Variants in UBASH3B observed in about 807,000 individuals in gnomAD.
UBASH3B encodes the protein ubiquitin associated and SH3 domain containing B, also known as ubiquitin-associated and SH3 domain-containing protein B.
Under a neutral mutation model 83.4 loss-of-function variants are expected in UBASH3B, and 37 were observed. That is an observed-to-expected ratio of 0.44 (90% CI 0.34 to 0.58). The LOEUF (loss-of-function observed/expected upper bound fraction) is 0.58. Ranked by LOEUF, UBASH3B falls within the 20% of genes least tolerant of loss-of-function variation. UBASH3B has a pLI of 0.01. For synonymous variants in UBASH3B, 304 were observed against 318.3 expected (o/e 0.96, Z 0.48); for missense variants, 657 against 827.2 (o/e 0.79, Z 2.52).
chr11:122,804,128 G>C (rs1310091153), intron 11 of UBASH3B, among the ~76,000 whole-genome samples: 3 of 152,076 alleles, frequency 2.0e-5, no homozygotes, highest in Non-Finnish European at 4.4e-5. Context: ...TGACTCCCTG[G>C]GCCATACAAA....
intron 1 of UBASH3B, among the ~76,000 whole-genome samples, chr11:122,702,588 G>A (rs899714522): frequency 1.3e-5 from 2 of 151,538 alleles, no homozygotes; most frequent in African/African-American, 2.4e-5. Flanking sequence ...GCAATGGTGC[G>A]ATCTCAGCTT....
In UBASH3B at chr11:122,712,896, G is replaced by GTTTTTTTTTTT. The variant is rs386375116; in HGVS notation, c.161+56706_161+56716dup. Among the ~76,000 whole-genome samples the GTTTTTTTTTTT allele has an allele frequency of 6.2e-5, 4 of 64,522 alleles. No individual in the cohort carries two copies. In the Admixed American group the frequency reaches 7.0e-4, roughly 11 times the overall value. 42.3% of individuals were successfully genotyped at this position (64,522 alleles called of 152,430 possible). Reference sequence around the variant, plus strand: ...GACATTCATCTTTCTTCTCTGGGTGGTTTTTTTTTTTTTTTTTTTTTTTTT... The same window carrying GTTTTTTTTTTT: ...GACATTCATCTTTCTTCTCTGGGTGGTTTTTTTTTTTTTTTTTTTTTTTTTTTTTTTTTTTT... On this transcript the variant is annotated intron_variant, in intron 1 of 13. Transcript: ENST00000284273.
At chr11:122,776,978 C>A (rs1860746587) in intron 2 of UBASH3B, 46 bp from the exon 3 acceptor site, 1 of 1,512,140 alleles carries the variant, frequency 6.6e-7, no homozygotes, top group African/African-American at 1.4e-5. Context: ...TTTTCCCCTC[C>A]CATTATTCTC....
In UBASH3B at chr11:122,796,388, A is replaced by T. The variant is rs373621155; in HGVS notation, c.1234+112A>T. The T allele has an allele frequency of 2.0e-6, 3 of 1,487,898 alleles. No individual in the cohort carries two copies. In the African/African-American group the frequency reaches 4.2e-5, roughly 21 times the overall value. The allele number at this position is 1,487,898 out of a possible 1,614,324, so 92.2% of individuals were successfully genotyped here. Reference sequence around the variant, plus strand: ...TCATTCATAGTTTTGCGTACTATAGAAGATGTCTGTCATGTGTAAGCCCCT... The same window carrying T: ...TCATTCATAGTTTTGCGTACTATAGTAGATGTCTGTCATGTGTAAGCCCCT... On this transcript the variant is annotated intron_variant, in intron 8 of 13. Transcript: ENST00000284273.
In UBASH3B at chr11:122,806,215, T is replaced by C. The variant is rs1861337933; in HGVS notation, c.1596-195T>C. Among the ~76,000 whole-genome samples, 1 of 152,238 alleles carries C rather than the reference T, an allele frequency of 6.6e-6. No homozygotes were observed. The highest frequency in any genetic ancestry group is 6.5e-5 in the Admixed American group (1 of 15,286). ...TGTAACGCCATACACATAGCTGTTA[T>C]TTCTGTACATTTCCACTCCATGTTC... On this transcript the variant is annotated intron_variant, in intron 11 of 13. Coordinates refer to ENST00000284273, the MANE Select transcript of UBASH3B (RefSeq NM_032873.5). This position sits in a 1 kb window ranked among gnomAD's most constrained non-coding sequence, Gnocchi z 4.0.
intron 1 of UBASH3B, among the ~76,000 whole-genome samples, chr11:122,689,263 A>G (rs1189189062): frequency 6.6e-6 from 1 of 152,160 alleles, no homozygotes; most frequent in Admixed American, 6.5e-5. Flanking sequence ...TTACTTCGCA[A>G]TTTGCTGTCA....
chr11:122,747,749 A>G (rs1401011617), intron 1 of UBASH3B, among the ~76,000 whole-genome samples: 2 of 152,238 alleles, frequency 1.3e-5, no homozygotes, highest in Admixed American at 6.5e-5. Flanking sequence ...TCTGGAAAGT[A>G]CAAAGGGAGG....
At chr11:122,681,111 C>T (rs77434132) in intron 1 of UBASH3B, among the ~76,000 whole-genome samples, 1,625 of 152,172 alleles carry the variant, frequency 0.011, 28 homozygotes, top group African/African-American at 0.035. Flanking sequence ...TTAATTTATT[C>T]GTATTTGTTT....
Position 122,809,928 on chromosome 11 carries a change from T to C in UBASH3B, c.*42T>C, listed in dbSNP as rs1412374843. ...AGAAGGAAAGGCCTTTTGGAGTGTG[T>C]CTTTCTGTGTGTTTAAAAACAGTGG... is the stretch of plus-strand genomic sequence containing the variant. On this transcript the variant is annotated 3_prime_UTR_variant, in exon 14 of 14. Transcript: ENST00000284273. 3 of 1,600,500 alleles carry C rather than the reference T, an allele frequency of 1.9e-6. No homozygotes were observed. The Admixed American group carries it at 5.3e-5, about 28-fold the overall frequency.
At chr11:122,752,492 G>A (rs984737904) in intron 1 of UBASH3B, among the ~76,000 whole-genome samples, 5 of 152,194 alleles carry the variant, frequency 3.3e-5, no homozygotes, top group African/African-American at 4.8e-5. Context: ...ACTTGTAACA[G>A]GAATAAGGCT....
chr11:122,666,678 A>G (rs1863524237), intron 1 of UBASH3B, among the ~76,000 whole-genome samples: 7 of 152,058 alleles, frequency 4.6e-5, no homozygotes, highest in Admixed American at 3.9e-4. Flanking sequence ...CGGCCTCCCA[A>G]AGTGCTGGGA....
intron 1 of UBASH3B, among the ~76,000 whole-genome samples, chr11:122,666,173 TG>T (rs1479237910): frequency 6.6e-6 from 1 of 152,214 alleles, no homozygotes; most frequent in Non-Finnish European, 1.5e-5. Flanking sequence ...TGAACCTTCT[TG>T]GTGATTCAGG....
chr11:122,800,529 A>G (rs1276422316), intron 10 of UBASH3B, among the ~76,000 whole-genome samples: 1 of 151,810 alleles, frequency 6.6e-6, no homozygotes, highest in Non-Finnish European at 1.5e-5. Flanking sequence ...ACTTCAGCCT[A>G]GGTGACAGAG....
chr11:122,744,075 G>A (rs1861071151), intron 1 of UBASH3B, among the ~76,000 whole-genome samples: 1 of 152,200 alleles, frequency 6.6e-6, no homozygotes, highest in Non-Finnish European at 1.5e-5. Flanking sequence ...TCAGTGAGAT[G>A]TCCCTTTTGA....
chr11:122,769,206 G>A (rs766276739), intron 1 of UBASH3B, among the ~76,000 whole-genome samples: 1 of 152,206 alleles, frequency 6.6e-6, no homozygotes, highest in Non-Finnish European at 1.5e-5. Context: ...GACATATGGA[G>A]AGAAGAAGGG....
chr11:122,807,265 C>G (rs1861356999), intron 12 of UBASH3B, among the ~76,000 whole-genome samples: 1 of 152,162 alleles, frequency 6.6e-6, no homozygotes, highest in South Asian at 2.1e-4. Context: ...GCACAGACAG[C>G]CCTATGGACA....
chr11:122,767,696 C>G (rs1311905885), intron 1 of UBASH3B, among the ~76,000 whole-genome samples: 1 of 152,110 alleles, frequency 6.6e-6, no homozygotes, highest in African/African-American at 2.4e-5. Flanking sequence ...CTCGCTTTTC[C>G]CAAGCCACAC....
chr11:122,769,329 C>T (rs1163757730), intron 1 of UBASH3B, among the ~76,000 whole-genome samples: 2 of 152,222 alleles, frequency 1.3e-5, no homozygotes, highest in African/African-American at 4.8e-5. Context: ...GAGCAATCCA[C>T]TTCCATGATC....
Position 122,698,201 on chromosome 11 carries a change from A to G in UBASH3B, c.161+41991A>G, listed in dbSNP as rs1166464580. Among the ~76,000 whole-genome samples the G allele has an allele frequency of 4.6e-5, 7 of 152,260 alleles. No homozygotes were observed. In the East Asian group the frequency reaches 1.2e-3, roughly 25 times the overall value. On this transcript the variant is annotated intron_variant, in intron 1 of 13. Transcript: ENST00000284273. Reference sequence around the variant, plus strand: ...GCAGATCTCTTCTCTTAGAGTTGGAATTCTCCTCTGTCGTATTAGATGAAA... The same window carrying G: ...GCAGATCTCTTCTCTTAGAGTTGGAGTTCTCCTCTGTCGTATTAGATGAAA...
Sources: allele counts gnomAD v4.1 joint callset (sites outside exome capture counted in the v4.1 genomes callset), GRCh38; gene constraint gnomAD v4.1.1; non-coding constraint Gnocchi (gnomAD v3.1); transcripts MANE v1.5; gene names NCBI Gene and HGNC (gene_info 2026-07-23, HGNC 2026-07-21).